SIPA1L1: variants seen among roughly 807,000 people sequenced by gnomAD.
The protein encoded by SIPA1L1 is signal-induced proliferation-associated 1-like protein 1.
A neutral mutation model predicts 162.7 loss-of-function variants in SIPA1L1; 26 were observed. The observed-to-expected ratio is 0.16, with a 90% CI of 0.12 to 0.22. SIPA1L1 has a LOEUF of 0.22. Ranked by LOEUF, SIPA1L1 falls within the 10% of genes least tolerant of loss-of-function variation. The probability of loss-of-function intolerance (pLI) is 1.00; values close to 1 mark genes in which losing one functional copy is unlikely to be tolerated. For missense variants in SIPA1L1, 1,874 were observed against 2,241.0 expected, an observed-to-expected ratio of 0.84 and a Z score of 3.31; for synonymous variants, 829 against 837.4, an observed-to-expected ratio of 0.99 and a Z score of 0.17.
rs530787928 is a variant in SIPA1L1, at chr14:71,576,119, T to A, written c.-302-11452T>A. ...GCTTTCAGGATAAGGATTGGACAGA[T>A]CTTTTCCTCAAGAGCCTGAAAGTCT... On this transcript the variant is annotated intron_variant, in intron 4 of 23. Transcript: ENST00000381232. Among the ~76,000 whole-genome samples, 3 of 152,334 alleles carry A rather than the reference T, an allele frequency of 2.0e-5. No homozygotes were observed. The South Asian group carries it at 6.2e-4, about 32-fold the overall frequency.
At chr14:71,372,981 A>G (rs1452337618) in intron 2 of SIPA1L1, among the ~76,000 whole-genome samples, 1 of 152,256 alleles carries the variant, frequency 6.6e-6, no homozygotes, top group Admixed American at 6.5e-5. Context: ...TTTCCAGATA[A>G]TCTCCTAACA....
chr14:71,506,852 C>G (rs2050715168), intron 2 of SIPA1L1, among the ~76,000 whole-genome samples: 1 of 144,676 alleles, frequency 6.9e-6, no homozygotes, highest in Admixed American at 7.1e-5. Flanking sequence ...TTCTTTGACA[C>G]AGGGTCTCGT....
intron 17 of SIPA1L1, among the ~76,000 whole-genome samples, chr14:71,713,198 A>G (rs1247688552): frequency 1.3e-5 from 2 of 152,234 alleles, no homozygotes; most frequent in Non-Finnish European, 2.9e-5. Context: ...CAAAAAAATG[A>G]AAGAATGACT....
At chr14:71,504,981 A>T (rs2050538786) in intron 2 of SIPA1L1, among the ~76,000 whole-genome samples, 1 of 152,208 alleles carries the variant, frequency 6.6e-6, no homozygotes, top group African/African-American at 2.4e-5. Context: ...AGCAATGAAA[A>T]GCCATGTTGT....
At chr14:71,695,952 A>G (rs2081593412) in intron 13 of SIPA1L1, among the ~76,000 whole-genome samples, 1 of 152,162 alleles carries the variant, frequency 6.6e-6, no homozygotes, top group African/African-American at 2.4e-5. Flanking sequence ...AGATCACCTT[A>G]CAATTAATTA....
rs1242800279 is a variant in SIPA1L1, at chr14:71,740,928, T to G, written c.*1767T>G. On this transcript the variant is annotated 3_prime_UTR_variant, in exon 24 of 24. Transcript: ENST00000381232. ...GTTCTCATTTTGTTTTACATTTTGTTTGGGGACTTGGGGCAAGCTATTTAT... is the reference window on the plus strand; with the variant it reads ...GTTCTCATTTTGTTTTACATTTTGTGTGGGGACTTGGGGCAAGCTATTTAT... The G allele has an allele frequency of 6.6e-6, 1 of 152,242 alleles. No homozygotes were observed. Among genetic ancestry groups the G allele is most frequent in the East Asian group, 1.9e-4 (1 of 5,198 alleles). The allele number at this position is 152,242 out of a possible 1,614,324, so 9.4% of individuals were successfully genotyped here. A position where few individuals can be genotyped will look rare whatever the true frequency, so the allele number is the denominator to read the frequency against.
chr14:71,351,663 G>A (rs550182551), intron 2 of SIPA1L1, among the ~76,000 whole-genome samples: 1 of 152,256 alleles, frequency 6.6e-6, no homozygotes, highest in South Asian at 2.1e-4. Context: ...TGGAAGATGA[G>A]AAGTCTCAAA....
chr14:71,396,505 GTGTGTTTTT>G (rs1566970592), intron 2 of SIPA1L1, among the ~76,000 whole-genome samples: 4 of 152,126 alleles, frequency 2.6e-5, no homozygotes, highest in African/African-American at 9.7e-5. Context: ...ACTTGGGTTT[GTGTGTTTTT>G]TCTCAGTTCA....
chr14:71,435,999 C>T (rs925454170), intron 2 of SIPA1L1, among the ~76,000 whole-genome samples: 40 of 152,086 alleles, frequency 2.6e-4, no homozygotes, highest in Admixed American at 4.6e-4. Context: ...TTGCAGGTAG[C>T]GTGTGATTTA....
intron 2 of SIPA1L1, among the ~76,000 whole-genome samples, chr14:71,367,577 G>A (rs2140960466): frequency 6.7e-6 from 1 of 149,838 alleles, no homozygotes; most frequent in South Asian, 2.1e-4. Flanking sequence ...CAAAGTGCTG[G>A]GATTACAGGT....
chr14:71,639,385 G>A (rs1426789181), intron 7 of SIPA1L1, among the ~76,000 whole-genome samples: 1 of 152,126 alleles, frequency 6.6e-6, no homozygotes, highest in Non-Finnish European at 1.5e-5. Flanking sequence ...ACTCTAGCCT[G>A]GGTGACAGAT....
intron 2 of SIPA1L1, among the ~76,000 whole-genome samples, chr14:71,427,625 C>T (rs1446627453): frequency 2.0e-5 from 3 of 152,160 alleles, no homozygotes; most frequent in African/African-American, 7.2e-5. Context: ...TCCTGTTTCT[C>T]AGACTTGATC....
At chr14:71,350,983 T>A (rs970398577) in intron 2 of SIPA1L1, among the ~76,000 whole-genome samples, 23 of 152,210 alleles carry the variant, frequency 1.5e-4, no homozygotes, top group African/African-American at 5.3e-4. Flanking sequence ...TGTATTTGAT[T>A]TCTGTGGGTT....
chr14:71,324,098 C>G (rs978894489), intron 2 of SIPA1L1, among the ~76,000 whole-genome samples: 2 of 152,146 alleles, frequency 1.3e-5, no homozygotes, highest in African/African-American at 4.8e-5. Context: ...GAGATGGGCT[C>G]AAGACTTGCT....
At position 71,553,463 on chromosome 14, in the gene SIPA1L1, C is replaced by CT. The variant is rs1300533234; in HGVS notation, c.-303+24099dup. Among the ~76,000 whole-genome samples the CT allele has an allele frequency of 1.0e-3, 154 of 152,282 alleles. 1 individual carries two copies. The highest frequency in any genetic ancestry group is 8.8e-5 in the Non-Finnish European group (6 of 68,014). On this transcript the variant is annotated intron_variant, in intron 4 of 23. Coordinates refer to ENST00000381232, the MANE Select transcript of SIPA1L1 (RefSeq NM_001386936.1). ...GGAAAAAACATTTTGCTTCTGCATT[C>CT]TTTTTTCCTCTCTTCTCTTCCTCCT...
intron 3 of SIPA1L1, among the ~76,000 whole-genome samples, chr14:71,527,184 C>T (rs1023171977): frequency 1.3e-5 from 2 of 152,076 alleles, no homozygotes; most frequent in African/African-American, 4.8e-5. Flanking sequence ...AGGACAGAGT[C>T]TTGCTCTGGT....
At position 71,733,709 on chromosome 14, in the gene SIPA1L1, G is replaced by A. The variant is rs1406811167; in HGVS notation, c.4905G>A (p.Glu1635=). ...ASDSSLTDIQ[E]TRRQPMPDPG... is the part of the protein sequence containing the mutation. Reference sequence around the variant, plus strand: ...ACAGCTCCCTCACTGACATCCAGGAGACCCGCAGGCAGCCTATGCCCGACC... The same window carrying A: ...ACAGCTCCCTCACTGACATCCAGGAAACCCGCAGGCAGCCTATGCCCGACC... The change falls in exon 21 of 24, where the codon GAG becomes GAA. Residue 1635 remains glutamate (E), a synonymous_variant. Coordinates refer to ENST00000381232, the MANE Select transcript of SIPA1L1 (RefSeq NM_001386936.1). 3.7e-6 allele frequency: 6 copies of A among 1,613,914 alleles called. No homozygotes were observed. Among genetic ancestry groups the A allele is most frequent in the Non-Finnish European group, 4.2e-6 (5 of 1,180,040 alleles).
chr14:71,379,111 A>G (rs1408731408), intron 2 of SIPA1L1, among the ~76,000 whole-genome samples: 1 of 152,106 alleles, frequency 6.6e-6, no homozygotes, highest in African/African-American at 2.4e-5. Context: ...CTTCGTTTTC[A>G]GCTTTCTCCA....
At position 71,730,073 on chromosome 14, in the gene SIPA1L1, C is replaced by T; in HGVS notation, c.4633C>T (p.Pro1545Ser). 1 of 1,614,152 alleles carries T rather than the reference C, an allele frequency of 6.2e-7. No homozygotes were observed. The highest frequency in any genetic ancestry group is 8.5e-7 in the Non-Finnish European group (1 of 1,180,016). Residue 1545 changes from proline (P) to serine (S), a missense_variant, in exon 20 of 24, where the codon CCT becomes TCT. Coordinates refer to ENST00000381232, the MANE Select transcript of SIPA1L1 (RefSeq NM_001386936.1). ...TTTTCAGTTCCACGCACTCTCCTCT[C>T]CTCAGTCTCCTTTCCCCAGCACCCC... ...KSFKFHALSS[P>S]QSPFPSTPTS... is the part of the protein sequence containing the mutation.
Sources: allele counts gnomAD v4.1 joint callset (sites outside exome capture counted in the v4.1 genomes callset), GRCh38; gene constraint gnomAD v4.1.1; transcripts MANE v1.5; gene names NCBI Gene and HGNC (gene_info 2026-07-23, HGNC 2026-07-21).